LETM2: variants seen among roughly 807,000 people sequenced by gnomAD.
The protein encoded by LETM2 is leucine zipper and EF-hand containing transmembrane protein 2, also known as LETM1 domain-containing protein LETM2, mitochondrial.
A neutral mutation model predicts 59.6 loss-of-function variants in LETM2; 58 were observed. That is an observed-to-expected ratio of 0.97 (90% CI 0.79 to 1.21). LETM2 has a LOEUF of 1.21. Ranked by LOEUF, LETM2 falls within the 50% of genes most tolerant of loss-of-function variation. LETM2 has a pLI of 0.00. For missense variants in LETM2, 572 were observed against 575.7 expected (o/e 0.99, Z 0.07); for synonymous variants, 199 against 214.1 (o/e 0.93, Z 0.62).
At position 38,392,717 on chromosome 8, in the gene LETM2, C is replaced by T. The variant is rs1432306427; in HGVS notation, c.223C>T (p.Gln75Ter). The T allele has an allele frequency of 1.9e-6, 3 of 1,614,186 alleles. No homozygotes were observed. The highest frequency in any genetic ancestry group is 1.7e-6 in the Non-Finnish European group (2 of 1,180,046). Residue 75 changes from glutamine (Q) to a stop codon, truncating the protein, a stop_gained, in exon 3 of 11, where the codon CAA (glutamine) becomes TAA (stop). Coordinates refer to ENST00000379957, the MANE Select transcript of LETM2 (RefSeq NM_001286819.2). LOFTEE classifies it high-confidence loss of function. ...TVLHPGTRLI[Q>*]KLHTSTCWLQ... ...ACTTCACCCAGGAACTAGACTAATA[C>T]AAAAGCTACACACATCCACTTGCTG...
At chr8:38,400,797 A>G (rs1813142069) in intron 5 of LETM2, 56 bp from the exon 6 acceptor site, 1 of 1,476,560 alleles carries the variant, frequency 6.8e-7, no homozygotes. Context: ...GCCTATTGGG[A>G]AAGTTAAATT....
chr8:38,392,005 G>T (rs1000202792), intron 2 of LETM2, among the ~76,000 whole-genome samples: 1 of 152,120 alleles, frequency 6.6e-6, no homozygotes, highest in African/African-American at 2.4e-5. Flanking sequence ...TGTTCTAGAA[G>T]AATTTAGGTG....
At chr8:38,406,027 T>C (rs1813688567) in intron 8 of LETM2, among the ~76,000 whole-genome samples, 1 of 152,214 alleles carries the variant, frequency 6.6e-6, no homozygotes. Flanking sequence ...AAATATACTG[T>C]AATTTTGGAT....
chr8:38,387,970 A>G lies in LETM2; in HGVS notation c.-14A>G. ...CCTAGGTCCCTATGTTAACTACTTG[A>G]GACAAAAATAAATATGGCCTTCTAC... On this transcript the variant is annotated 5_prime_UTR_variant, in exon 2 of 11. An upstream open reading frame in the 5' UTR loses its in-frame stop. Coordinates refer to ENST00000379957, the MANE Select transcript of LETM2 (RefSeq NM_001286819.2). 1 of 1,513,232 alleles carries G rather than the reference A, an allele frequency of 6.6e-7. No individual in the cohort carries two copies. The highest frequency in any genetic ancestry group is 8.9e-7 in the Non-Finnish European group (1 of 1,127,150). 93.7% of individuals were successfully genotyped at this position (1,513,232 alleles called of 1,614,324 possible). A position where few individuals can be genotyped will look rare whatever the true frequency, so the allele number is the denominator to read the frequency against.
intron 5 of LETM2, 159 bp downstream of exon 5, chr8:38,400,568 G>C (rs1813112694): frequency 2.7e-6 from 2 of 745,034 alleles, no homozygotes; most frequent in Non-Finnish European, 2.1e-6. Flanking sequence ...TATAAACATT[G>C]ATAGTAGTTT....
Position 38,392,905 on chromosome 8 carries a change from CT to C in LETM2, c.412del (p.Tyr138ThrfsTer23), listed in dbSNP as rs1456971477. ...DELKYYYNGFYLLWIDAKVAA... is the reference protein window; with the variant it reads ...DELKYYYNGFXLLWIDAKVAA... ...AACTAAAATATTATTACAATGGATT[CT>C]ACTTACTTTGGATTGACGCCAAAGT... On this transcript the variant is annotated frameshift_variant, in exon 3 of 11. Coordinates refer to ENST00000379957, the MANE Select transcript of LETM2 (RefSeq NM_001286819.2). LOFTEE classifies it high-confidence loss of function. 1 of 1,613,730 alleles carries C rather than the reference CT, an allele frequency of 6.2e-7. No homozygotes were observed. Among genetic ancestry groups the C allele is most frequent in the Non-Finnish European group, 8.5e-7 (1 of 1,180,034 alleles).
At position 38,401,044 on chromosome 8, in the gene LETM2, AGAT is replaced by A; in HGVS notation, c.981_983del (p.Asp327del). 1 of 1,613,108 alleles carries A rather than the reference AGAT, an allele frequency of 6.2e-7. No homozygotes were observed. Among genetic ancestry groups the A allele is most frequent in the Non-Finnish European group, 8.5e-7 (1 of 1,179,424 alleles). On this transcript the variant is annotated inframe_deletion, in exon 6 of 11. Transcript: ENST00000379957. The stretch of plus-strand genomic sequence containing the variant: ...TGATGAAACTGAAGTCTATAAAAGC[AGAT>A]GATGAAGTAAGAGCTTAACCATAGC...
chr8:38,396,174 T>A (rs559638969), intron 4 of LETM2, among the ~76,000 whole-genome samples: 39 of 151,688 alleles, frequency 2.6e-4, no homozygotes, highest in South Asian at 2.1e-4. Flanking sequence ...ATTTATTTTT[T>A]TTTTTTTGAG....
chr8:38,391,195 A>AAAAAC (rs1812222153), intron 2 of LETM2, among the ~76,000 whole-genome samples: 4 of 140,926 alleles, frequency 2.8e-5, no homozygotes, highest in African/African-American at 1.1e-4. Flanking sequence ...AAAAAAAAAA[A>AAAAAC]AAACAAAAAA....
intron 4 of LETM2, among the ~76,000 whole-genome samples, chr8:38,398,720 C>CTTTTTTTTTTTTTTTTTTTT (rs869232263): frequency 8.6e-6 from 1 of 115,812 alleles, no homozygotes; most frequent in Non-Finnish European, 1.8e-5. Context: ...TAAGTGGGTT[C>CTTTTTTTTTTTTTTTTTTTT]TTTTTTTTTT....
Position 38,387,994 on chromosome 8 carries a change from A to G in LETM2, c.11A>G (p.Tyr4Cys), listed in dbSNP as rs1295820672. Residue 4 changes from tyrosine to cysteine, a missense_variant, in exon 2 of 11, where the codon TAC (tyrosine) becomes TGC (cysteine). Physicochemically the swap from Tyr to Cys is radical, Grantham distance 194. Transcript: ENST00000379957. The part of the protein sequence containing the change: MAF[Y>C]SYNSVLAIAR... Reference sequence around the variant, plus strand: ...GAGACAAAAATAAATATGGCCTTCTACAGTTATAATTCAGTTCTGGCTATT... The same window carrying G: ...GAGACAAAAATAAATATGGCCTTCTGCAGTTATAATTCAGTTCTGGCTATT... 7.2e-6 allele frequency: 11 copies of G among 1,530,862 alleles called. No individual in the cohort carries two copies. The East Asian group carries it at 2.0e-4, about 27-fold the overall frequency. 94.8% of individuals were successfully genotyped at this position (1,530,862 alleles called of 1,614,324 possible).
chr8:38,396,587 A>G (rs1410689090), intron 4 of LETM2, among the ~76,000 whole-genome samples: 1 of 152,132 alleles, frequency 6.6e-6, no homozygotes, highest in Non-Finnish European at 1.5e-5. Flanking sequence ...ACTAAATTCT[A>G]ACTTGATTTT....
At chr8:38,406,242 CATTT>C (rs1282224493) in intron 8 of LETM2, among the ~76,000 whole-genome samples, 1 of 152,174 alleles carries the variant, frequency 6.6e-6, no homozygotes, top group Non-Finnish European at 1.5e-5. Flanking sequence ...GCAATTTTAT[CATTT>C]ATTATTAGAT....
intron 6 of LETM2, chr8:38,401,494 T>C: frequency 5.4e-6 from 1 of 184,446 alleles, no homozygotes; most frequent in South Asian, 1.1e-4. Context: ...AATGAGTGGT[T>C]TAAACAACCA....
intron 4 of LETM2, among the ~76,000 whole-genome samples, chr8:38,399,374 A>G (rs928765183): frequency 6.6e-6 from 1 of 152,198 alleles, no homozygotes; most frequent in Non-Finnish European, 1.5e-5. Flanking sequence ...TGTAAGCCAC[A>G]TTAGGTAGAG....
At chr8:38,402,408 A>G (rs956066157) in intron 6 of LETM2, 117 bp from the exon 7 acceptor site, 21 of 1,145,782 alleles carry the variant, frequency 1.8e-5, no homozygotes, top group Non-Finnish European at 2.0e-5. Flanking sequence ...AGTAGCAGCC[A>G]GTGCAGGGGA....
chr8:38,398,720 C>CT (rs869232263), intron 4 of LETM2, among the ~76,000 whole-genome samples: 25,650 of 115,832 alleles, frequency 0.22, 3,094 homozygotes, highest in East Asian at 0.32. Flanking sequence ...TAAGTGGGTT[C>CT]TTTTTTTTTT....
intron 2 of LETM2, among the ~76,000 whole-genome samples, chr8:38,390,295 C>A (rs1372745451): frequency 6.6e-6 from 1 of 151,460 alleles, no homozygotes; most frequent in Non-Finnish European, 1.5e-5. Flanking sequence ...CCAGCCTGGG[C>A]AACATAGCAA....
chr8:38,391,621 T>G (rs1391190855), intron 2 of LETM2, among the ~76,000 whole-genome samples: 1 of 151,904 alleles, frequency 6.6e-6, no homozygotes, highest in Non-Finnish European at 1.5e-5. Flanking sequence ...CAATCTGATA[T>G]GGTAGTTTAA....
Sources: allele counts gnomAD v4.1 joint callset (sites outside exome capture counted in the v4.1 genomes callset), GRCh38; gene constraint gnomAD v4.1.1; transcripts MANE v1.5; gene names NCBI Gene and HGNC (gene_info 2026-07-23, HGNC 2026-07-21).